The following SLC29A3 variants were observed in gnomAD, a reference collection of about 807,000 sequenced individuals.
SLC29A3 encodes equilibrative nucleoside transporter 3.
SLC29A3 carries 18 observed loss-of-function variants against 25.4 expected under a neutral mutation model. That is an observed-to-expected ratio of 0.71 (90% CI 0.49 to 1.05). The LOEUF is 1.05. SLC29A3 is among the 50% of genes least tolerant of loss of function. SLC29A3 has a pLI of 0.00. For missense variants in SLC29A3, 586 were observed against 609.0 expected, an observed-to-expected ratio of 0.96 and a Z score of 0.40; for synonymous variants, 258 against 267.1, an observed-to-expected ratio of 0.97 and a Z score of 0.33.
At chr10:71,359,355 G>A (rs750735351) in intron 5 of SLC29A3, among the ~76,000 whole-genome samples, 106 of 152,194 alleles carry the variant, frequency 7.0e-4, no homozygotes, top group Non-Finnish European at 1.4e-3. Context: ...AAGCTCGCCC[G>A]TCCTACATTT....
At chr10:71,319,705 C>G (rs1022713889) in intron 1 of SLC29A3, 14 of 203,576 alleles carry the variant, frequency 6.9e-5, no homozygotes, top group African/African-American at 3.2e-4. Flanking sequence ...TAGGCGGTGC[C>G]CTGCGCTTCC....
rs543733366 is a variant in SLC29A3 at position 71,322,861 on chromosome 10, T to C, written c.107T>C (p.Leu36Pro). 2.5e-6 allele frequency: 4 copies of C among 1,614,108 alleles called. No individual in the cohort carries two copies. Among genetic ancestry groups the C allele is most frequent in the African/African-American group, 1.3e-5 (1 of 74,926 alleles). Residue 36 changes from leucine (L) to proline (P), a missense_variant, in exon 2 of 6, where the codon CTG becomes CCG. By Grantham distance (98) the Leu-to-Pro change is moderately conservative. Transcript: ENST00000373189. ...ADQEALLEKL[L>P]DRPPPGLQRP... ...CAGGAGGCACTGCTTGAGAAGCTGC[T>C]GGACCGCCCGCCCCCTGGCCTGCAG...
intron 4 of SLC29A3, among the ~76,000 whole-genome samples, chr10:71,377,114 G>T (rs2131860939): frequency 6.6e-6 from 1 of 152,308 alleles, no homozygotes; most frequent in East Asian, 1.9e-4. Flanking sequence ...GCTGAACCAA[G>T]ATGGTTAGGC....
chr10:71,369,339 G>A (rs1032606698), intron 3 of SLC29A3, among the ~76,000 whole-genome samples: 3 of 152,238 alleles, frequency 2.0e-5, no homozygotes, highest in African/African-American at 7.2e-5. Flanking sequence ...GTGTTCTAGT[G>A]TTTTGTGGCA....
chr10:71,355,490 G>C (rs575534598), intron 4 of SLC29A3, among the ~76,000 whole-genome samples: 2 of 152,338 alleles, frequency 1.3e-5, no homozygotes, highest in East Asian at 3.9e-4. Flanking sequence ...CATGTGCATG[G>C]TGCCACAGCC....
At chr10:71,337,676 G>GGCATTCAGGGAAGAGAAAGCTTT (rs1274542988) in intron 2 of SLC29A3, among the ~76,000 whole-genome samples, 1 of 152,210 alleles carries the variant, frequency 6.6e-6, no homozygotes, top group Non-Finnish European at 1.5e-5. Context: ...GTGCCCAAAT[G>GGCATTCAGGGAAGAGAAAGCTTT]GCATTCAGGG....
In SLC29A3 at chr10:71,329,619, G is replaced by A. The variant is rs979673190; in HGVS notation, c.300+6565G>A. Among the ~76,000 whole-genome samples the A allele has an allele frequency of 3.9e-5, 6 of 152,148 alleles. No homozygotes were observed. In the South Asian group the frequency reaches 6.2e-4, roughly 16 times the overall value. ...CGTGATCCAAGCCAGGTGTGGTCGC[G>A]TGTGCCTGTAGTTCCAGCTACTCAG... On this transcript the variant is annotated intron_variant, in intron 2 of 5. Coordinates refer to ENST00000373189, the MANE Select transcript of SLC29A3 (RefSeq NM_018344.6).
At position 71,322,983 on chromosome 10, in the gene SLC29A3, T is replaced by C. The variant is rs1845887346; in HGVS notation, c.229T>C (p.Tyr77His). ...GAACTTCTTTATCACTGCCAAGGAG[T>C]ACTGGATGTTCAAACTCCGCAACTC... is the stretch of plus-strand genomic sequence containing the variant. ...PWNFFITAKE[Y>H]WMFKLRNSSS... is the part of the protein sequence containing the mutation. Residue 77 changes from tyrosine to histidine, a missense_variant, in exon 2 of 6, where the codon TAC becomes CAC. Coordinates refer to ENST00000373189, the MANE Select transcript of SLC29A3 (RefSeq NM_018344.6). 1 of 1,613,964 alleles carries C rather than the reference T, an allele frequency of 6.2e-7. No individual in the cohort carries two copies. The highest frequency in any genetic ancestry group is 8.5e-7 in the Non-Finnish European group (1 of 1,180,012).
intron 3 of SLC29A3, among the ~76,000 whole-genome samples, chr10:71,350,386 T>G (rs1846722880): frequency 2.0e-5 from 3 of 151,340 alleles, no homozygotes; most frequent in Admixed American, 2.0e-4. Context: ...TTTTTTTAAT[T>G]AAAAAAAAGT....
chr10:71,361,900 C>T, intron 5 of SLC29A3, 54 bp from the exon 6 acceptor site: 1 of 1,606,368 alleles, frequency 6.2e-7, no homozygotes, highest in African/African-American at 1.3e-5. Flanking sequence ...CCTGGCTGTG[C>T]TGACTCAGAT....
intron 3 of SLC29A3, among the ~76,000 whole-genome samples, chr10:71,346,026 C>T (rs1366663583): frequency 6.6e-6 from 1 of 152,204 alleles, no homozygotes; most frequent in Non-Finnish European, 1.5e-5. Flanking sequence ...CCTCGATCAC[C>T]CCTTGTCATG....
intron 3 of SLC29A3, among the ~76,000 whole-genome samples, chr10:71,348,835 G>A (rs372766959): frequency 2.6e-5 from 4 of 152,190 alleles, no homozygotes; most frequent in East Asian, 1.9e-4. Flanking sequence ...ATTCAAATGC[G>A]AGTAGTTTAT....
Position 71,341,467 on chromosome 10 carries a change from G to A in SLC29A3, c.301-2742G>A, listed in dbSNP as rs115705328. Among the ~76,000 whole-genome samples the A allele has an allele frequency of 8.9e-3, 1,352 of 152,276 alleles. 24 individuals carry two copies. Among genetic ancestry groups the A allele is most frequent in the African/African-American group, 0.031 (1,268 of 41,564 alleles). On this transcript the variant is annotated intron_variant, in intron 2 of 5. Transcript: ENST00000373189. ...CTAACCCTCTGTGCCCCTCATGGGT[G>A]AGCACACTGCTCCTCCTGTCTCTTG... is the stretch of plus-strand genomic sequence containing the variant.
chr10:71,363,270 G>A lies in SLC29A3; in HGVS notation c.*662G>A, dbSNP rs950021005. The A allele has an allele frequency of 2.2e-6, 1 of 454,012 alleles. No homozygotes were observed. The highest frequency in any genetic ancestry group is 2.0e-5 in the African/African-American group (1 of 50,014). The allele number at this position is 454,012 out of a possible 1,614,324, so 28.1% of individuals were successfully genotyped here. On this transcript the variant is annotated 3_prime_UTR_variant, in exon 6 of 6. Coordinates refer to ENST00000373189, the MANE Select transcript of SLC29A3 (RefSeq NM_018344.6). ...TGGCCTGGGTTTTCAAAAAAAGAGGGATCCTCATGACCTGGTGGTCTATGG... is the reference window on the plus strand; with the variant it reads ...TGGCCTGGGTTTTCAAAAAAAGAGGAATCCTCATGACCTGGTGGTCTATGG...
At chr10:71,361,217 C>T (rs539964878) in intron 5 of SLC29A3, among the ~76,000 whole-genome samples, 1 of 152,328 alleles carries the variant, frequency 6.6e-6, no homozygotes, top group South Asian at 2.1e-4. Flanking sequence ...TCATAGCTCA[C>T]TATATTGAAC....
intron 3 of SLC29A3, among the ~76,000 whole-genome samples, chr10:71,371,773 A>C (rs555384026): frequency 2.0e-5 from 3 of 152,234 alleles, no homozygotes; most frequent in African/African-American, 7.2e-5. Flanking sequence ...TGTTGTGAAG[A>C]TTAAATGATT....
intron 5 of SLC29A3, among the ~76,000 whole-genome samples, chr10:71,357,307 C>T (rs562084707): frequency 7.2e-5 from 11 of 151,984 alleles, no homozygotes; most frequent in East Asian, 1.9e-4. Flanking sequence ...CCCAGCTACT[C>T]GGGCGGCTGA....
intron 3 of SLC29A3, among the ~76,000 whole-genome samples, 190 bp downstream of exon 3, chr10:71,344,481 G>C (rs969028624): frequency 1.1e-4 from 17 of 152,224 alleles, no homozygotes; most frequent in Non-Finnish European, 2.1e-4. Context: ...CAGGGAGCTG[G>C]GCTGTCACTC....
intron 3 of SLC29A3, among the ~76,000 whole-genome samples, chr10:71,373,687 A>G (rs1263370968): frequency 1.3e-5 from 2 of 152,198 alleles, no homozygotes; most frequent in African/African-American, 4.8e-5. Flanking sequence ...TGTAGGACCA[A>G]AGGGACATGA....
Sources: gnomAD v4.1 joint callset for allele counts (sites outside exome capture counted in the v4.1 genomes callset) on GRCh38, gnomAD v4.1.1 for gene constraint, MANE v1.5 for transcripts, NCBI Gene and HGNC (gene_info 2026-07-23, HGNC 2026-07-21) for gene names.